MLLT6: variants seen among roughly 807,000 people sequenced by gnomAD.
The protein encoded by MLLT6 is MLLT6, PHD finger containing.
A neutral mutation model predicts 103.0 loss-of-function variants in MLLT6; 22 were observed. The observed-to-expected ratio is 0.21, with a 90% CI of 0.15 to 0.31. The LOEUF is 0.31. Among genes scored for constraint, MLLT6 ranks in the 10% least tolerant of loss-of-function variants. The pLI is 1.00. For missense variants in MLLT6, 1,199 were observed against 1,441.7 expected (o/e 0.83, Z 2.73); for synonymous variants, 606 against 623.5 (o/e 0.97, Z 0.42).
At position 38,720,221 on chromosome 17, in the gene MLLT6, C is replaced by G. The variant is rs1052791414; in HGVS notation, c.2156-151C>G. ...ACACCTGTGGCTCCCCAAGTCCCGC[C>G]TCTCTTCTCAGAGCTCACCTGTGTC... On this transcript the variant is annotated intron_variant, in intron 14 of 19. Coordinates refer to ENST00000621332, the MANE Select transcript of MLLT6 (RefSeq NM_005937.4). The G allele has an allele frequency of 4.9e-6, 4 of 808,414 alleles. No individual in the cohort carries two copies. In the African/African-American group the frequency reaches 6.9e-5, roughly 14 times the overall value. 50.1% of individuals were successfully genotyped at this position (808,414 alleles called of 1,614,324 possible). A position where few individuals can be genotyped will look rare whatever the true frequency, so the allele number is the denominator to read the frequency against.
intron 3 of MLLT6, 102 bp downstream of exon 3, chr17:38,707,642 G>A: frequency 7.5e-7 from 1 of 1,335,574 alleles, no homozygotes; most frequent in South Asian, 1.2e-5. Context: ...TCCTTTCCCT[G>A]GCTGGCGCTG....
intron 10 of MLLT6, 90 bp downstream of exon 10, chr17:38,717,071 A>G (rs1387421260): frequency 1.9e-6 from 3 of 1,548,036 alleles, no homozygotes; most frequent in African/African-American, 2.8e-5. Flanking sequence ...AGGAAATGGG[A>G]TGGATACCAC....
rs1905364399 is a variant in MLLT6 at position 38,716,742 on chromosome 17, G to C, written c.1412G>C (p.Ser471Thr). The change falls in exon 10 of 20, where the codon AGC (serine) becomes ACC (threonine). Residue 471 changes from serine (S) to threonine (T), a missense_variant. Physicochemically the swap from Ser to Thr is moderately conservative, Grantham distance 58 (BLOSUM62 1). This residue lies in a region of MLLT6 where 1,034 missense variants were observed against 1,091.5 expected (regional missense o/e 0.95). Transcript: ENST00000621332. The surrounding 1 kb of genome is among the most constrained non-coding windows in gnomAD (Gnocchi z 5.6). ...CTGAAGGAGAAGAAGCACAAAGCCAGCAAGAGGAGCCGCCATGGGCCAGGC... is the reference window on the plus strand; with the variant it reads ...CTGAAGGAGAAGAAGCACAAAGCCACCAAGAGGAGCCGCCATGGGCCAGGC... Reference protein sequence around the residue: ...TGLKEKKHKASKRSRHGPGRP... With the variant: ...TGLKEKKHKATKRSRHGPGRP... 13 of 1,608,262 alleles carry C rather than the reference G, an allele frequency of 8.1e-6. No homozygotes were observed. The highest frequency in any genetic ancestry group is 1.1e-5 in the Non-Finnish European group (13 of 1,177,662).
chr17:38,725,681 C>T lies in MLLT6; in HGVS notation c.*83C>T, dbSNP rs1022886485. On this transcript the variant is annotated 3_prime_UTR_variant, in exon 20 of 20. Transcript: ENST00000621332. ...GGTCCTAGCCTGGAGCAGGCGCCTG[C>T]GCCCAGACCCTGGAGAGCCTTGACC... 2.6e-5 allele frequency: 31 copies of T among 1,211,300 alleles called. No homozygotes were observed. Among genetic ancestry groups the T allele is most frequent in the South Asian group, 9.9e-5 (7 of 70,712 alleles). 75.0% of individuals were successfully genotyped at this position (1,211,300 alleles called of 1,614,324 possible).
intron 14 of MLLT6, 88 bp downstream of exon 14, chr17:38,719,983 TCCGCCCTTAGGCC>T: frequency 6.8e-7 from 1 of 1,460,284 alleles, no homozygotes; most frequent in East Asian, 2.5e-5. Context: ...TCTTTAAGGT[TCCGCCCTTAGGCC>T]CCGCCCCAGC....
rs188708467 is a variant in MLLT6 at position 38,724,358 on chromosome 17, G to A, written c.2884-262G>A. 26 of 428,328 alleles carry A rather than the reference G, an allele frequency of 6.1e-5. No homozygotes were observed. Among genetic ancestry groups the A allele is most frequent in the African/African-American group, 5.1e-4 (25 of 49,204 alleles). The allele number at this position is 428,328 out of a possible 1,614,324, so 26.5% of individuals were successfully genotyped here. A position where few individuals can be genotyped will look rare whatever the true frequency, so the allele number is the denominator to read the frequency against. On this transcript the variant is annotated intron_variant, in intron 18 of 19. Transcript: ENST00000621332. The surrounding 1 kb of genome is among the most constrained non-coding windows in gnomAD (Gnocchi z 5.4). ...TAGGAGCTGAGGGGTGATTCTGTGGGCAGGGCCAGAGATATTAAATACCCT... is the reference window on the plus strand; with the variant it reads ...TAGGAGCTGAGGGGTGATTCTGTGGACAGGGCCAGAGATATTAAATACCCT...
At position 38,712,764 on chromosome 17, in the gene MLLT6, C is replaced by A. The variant is rs754493479; in HGVS notation, c.794C>A (p.Pro265Gln). The change falls in exon 8 of 20, where the codon CCG becomes CAG. Residue 265 changes from proline (P) to glutamine (Q), a missense_variant. Transcript: ENST00000621332. The part of the protein sequence containing the change: ...RPESPPSILT[P>Q]PVVPTADKVS... ...GAGTCGCCCCCCAGCATCCTCACCCCGCCCGTGGTCCCCACTGCTGACAAG... is the reference window on the plus strand; with the variant it reads ...GAGTCGCCCCCCAGCATCCTCACCCAGCCCGTGGTCCCCACTGCTGACAAG... 5 of 1,613,534 alleles carry A rather than the reference C, an allele frequency of 3.1e-6. No homozygotes were observed. In the Admixed American group the frequency reaches 5.0e-5, roughly 16 times the overall value.
chr17:38,729,601 C>T lies in MLLT6; in HGVS notation c.*4003C>T, dbSNP rs1398639019. On this transcript the variant is annotated 3_prime_UTR_variant, in exon 20 of 20. Transcript: ENST00000621332. Reference sequence around the variant, plus strand: ...AAGCCACAGATTGCAAACCCAGGGGCTCCTTTTTCATTCTTTCTAAAACCT... The same window carrying T: ...AAGCCACAGATTGCAAACCCAGGGGTTCCTTTTTCATTCTTTCTAAAACCT... 1 of 232,502 alleles carries T rather than the reference C, an allele frequency of 4.3e-6. No homozygotes were observed. Among genetic ancestry groups the T allele is most frequent in the African/African-American group, 2.2e-5 (1 of 45,220 alleles). The allele number at this position is 232,502 out of a possible 1,614,324, so 14.4% of individuals were successfully genotyped here.
In MLLT6 at chr17:38,720,683, C is replaced by T; in HGVS notation, c.2378C>T (p.Thr793Ile). 1 of 1,613,880 alleles carries T rather than the reference C, an allele frequency of 6.2e-7. No homozygotes were observed. ...GCCGGCAGCAGCGACTCCTTGAGCACCAGCAAGAGCCCTCCGGGAAAGAGC... is the reference window on the plus strand; with the variant it reads ...GCCGGCAGCAGCGACTCCTTGAGCATCAGCAAGAGCCCTCCGGGAAAGAGC... Reference protein sequence around the residue: ...PQAGSSDSLSTSKSPPGKSSL... With the variant: ...PQAGSSDSLSISKSPPGKSSL... The change falls in exon 16 of 20, where the codon ACC becomes ATC. Residue 793 changes from threonine (T) to isoleucine (I), a missense_variant. Physicochemically the swap from Thr to Ile is moderately conservative, Grantham distance 89 (BLOSUM62 -1). Coordinates refer to ENST00000621332, the MANE Select transcript of MLLT6 (RefSeq NM_005937.4).
chr17:38,725,628 A>G lies in MLLT6; in HGVS notation c.*30A>G, dbSNP rs767905895. The G allele has an allele frequency of 7.1e-6, 11 of 1,553,318 alleles. No homozygotes were observed. The highest frequency in any genetic ancestry group is 1.2e-5 in the South Asian group (1 of 85,336). On this transcript the variant is annotated 3_prime_UTR_variant, in exon 20 of 20. Transcript: ENST00000621332. ...ACCCTTACCCCTCCTGACCCCCCCA[A>G]GTGGAGGGAACAGATCCTGGCCTGA...
Position 38,729,375 on chromosome 17 carries a change from G to A in MLLT6, c.*3777G>A. ...CCATGTCCATCAGGATTGAGAGTGT[G>A]TCTAGCTCCCGACCACTTTGTCTTG... On this transcript the variant is annotated 3_prime_UTR_variant, in exon 20 of 20. Coordinates refer to ENST00000621332, the MANE Select transcript of MLLT6 (RefSeq NM_005937.4). 1 of 233,412 alleles carries A rather than the reference G, an allele frequency of 4.3e-6. No individual in the cohort carries two copies. The highest frequency in any genetic ancestry group is 8.5e-6 in the Non-Finnish European group (1 of 118,056). 14.5% of individuals were successfully genotyped at this position (233,412 alleles called of 1,614,324 possible).
At position 38,716,592 on chromosome 17, in the gene MLLT6, C is replaced by T. The variant is rs763360007; in HGVS notation, c.1262C>T (p.Ala421Val). 73 of 1,613,912 alleles carry T rather than the reference C, an allele frequency of 4.5e-5. No homozygotes were observed. The highest frequency in any genetic ancestry group is 5.5e-5 in the Non-Finnish European group (65 of 1,180,022). Residue 421 changes from alanine (A) to valine (V), a missense_variant, in exon 10 of 20, where the codon GCG becomes GTG. Ala to Val is a moderately conservative substitution (Grantham distance 64). Around this residue, in one of 7 missense-constraint regions of MLLT6, gnomAD observed 1,034 missense variants for 1,091.5 expected, o/e 0.95. Coordinates refer to ENST00000621332, the MANE Select transcript of MLLT6 (RefSeq NM_005937.4). The surrounding 1 kb of genome is among the most constrained non-coding windows in gnomAD (Gnocchi z 5.6). ...ACCTCCAGCTCAGGCCGGGCCCGGG[C>T]GCCCTCCCCTGGGGACTATAAGTCT... is the stretch of plus-strand genomic sequence containing the variant. ...TTTSSSGRAR[A>V]PSPGDYKSPH... is the part of the protein sequence containing the mutation.
Position 38,717,621 on chromosome 17 carries a change from C to G in MLLT6, c.1833+8C>G. ...TCTATCTCCACCACTCAGGTGAGAC[C>G]TGACTCCTGGGCTCCTCCTTCCCTG... On this transcript the variant is annotated splice_region_variant and intron_variant, in intron 11 of 19. Transcript: ENST00000621332. The G allele has an allele frequency of 6.2e-7, 1 of 1,612,876 alleles. No homozygotes were observed. The highest frequency in any genetic ancestry group is 8.5e-7 in the Non-Finnish European group (1 of 1,179,346).
Position 38,715,625 on chromosome 17 carries a change from C to T in MLLT6, c.833C>T (p.Ala278Val), listed in dbSNP as rs1032878941. 1 of 1,612,772 alleles carries T rather than the reference C, an allele frequency of 6.2e-7. No homozygotes were observed. Among genetic ancestry groups the T allele is most frequent in the African/African-American group, 1.3e-5 (1 of 74,892 alleles). ...CCTCTCCTTCAGGTCTCCTCCTCGGCTTCCTCTTCCTCCCACCACGAGGCC... is the reference window on the plus strand; with the variant it reads ...CCTCTCCTTCAGGTCTCCTCCTCGGTTTCCTCTTCCTCCCACCACGAGGCC... ...VPTADKVSSS[A>V]SSSSHHEAST... Residue 278 changes from alanine (A) to valine (V), a missense_variant, in exon 9 of 20, where the codon GCT (alanine) becomes GTT (valine). Ala to Val is a moderately conservative substitution (Grantham distance 64). Around this residue, in one of 7 missense-constraint regions of MLLT6, gnomAD observed 1,034 missense variants for 1,091.5 expected, o/e 0.95. Coordinates refer to ENST00000621332, the MANE Select transcript of MLLT6 (RefSeq NM_005937.4).
At chr17:38,711,730 A>T in intron 6 of MLLT6, 117 bp from the exon 7 acceptor site, 1 of 1,298,206 alleles carries the variant, frequency 7.7e-7, no homozygotes, top group East Asian at 2.6e-5. Context: ...AGGTCCTCTT[A>T]GTGACAGACG....
Position 38,705,549 on chromosome 17 carries a change from GC to G in MLLT6, c.-78del. ...GGAGGAGGGGGCGAGGAGGCGCGCG[GC>G]CCCCCGCTCCCTCCCTCCCCCCTGA... is the stretch of plus-strand genomic sequence containing the variant. On this transcript the variant is annotated 5_prime_UTR_variant, in exon 1 of 20. Transcript: ENST00000621332. The G allele has an allele frequency of 1.8e-6, 1 of 541,506 alleles. No individual in the cohort carries two copies. Among genetic ancestry groups the G allele is most frequent in the Non-Finnish European group, 3.2e-6 (1 of 317,452 alleles). 33.5% of individuals were successfully genotyped at this position (541,506 alleles called of 1,614,324 possible). A position where few individuals can be genotyped will look rare whatever the true frequency, so the allele number is the denominator to read the frequency against.
chr17:38,707,461 C>T (rs1375243712), intron 2 of MLLT6, 25 bp from the exon 3 acceptor site: 3 of 1,613,566 alleles, frequency 1.9e-6, no homozygotes, highest in Admixed American at 1.7e-5. Flanking sequence ...GATCCCCCAA[C>T]CCCTGTGCAC....
At chr17:38,706,666 G>A in intron 1 of MLLT6, 1 of 331,380 alleles carries the variant, frequency 3.0e-6, no homozygotes. Flanking sequence ...CGAGGAAGAA[G>A]CTGGGAAACA....
At chr17:38,722,281 G>A (rs577057577) in intron 17 of MLLT6, 54 bp downstream of exon 17, 2 of 1,289,368 alleles carry the variant, frequency 1.6e-6, no homozygotes, top group African/African-American at 1.5e-5. Context: ...CTGGCTCTGG[G>A]AAGGGAGGGA....
Sources: allele counts gnomAD v4.1 joint callset, GRCh38; gene constraint gnomAD v4.1.1; regional missense constraint gnomAD v4.1.1; non-coding constraint Gnocchi (gnomAD v3.1); transcripts MANE v1.5; gene names NCBI Gene and HGNC (gene_info 2026-07-23, HGNC 2026-07-21).